DTHD1: variants seen among roughly 807,000 people sequenced by gnomAD.
DTHD1 encodes death domain containing 1.
Under a neutral mutation model 74.8 loss-of-function variants are expected in DTHD1, and 59 were observed. The observed-to-expected ratio is 0.79, with a 90% CI of 0.64 to 0.98. The LOEUF (loss-of-function observed/expected upper bound fraction) is 0.98. Ranked by LOEUF, DTHD1 falls within the 50% of genes least tolerant of loss-of-function variation. The probability of loss-of-function intolerance (pLI) is 0.00; values close to 1 mark genes in which losing one functional copy is unlikely to be tolerated. For synonymous variants in DTHD1, 365 were observed against 371.1 expected, an observed-to-expected ratio of 0.98 and a Z score of 0.19; for missense variants, 1,051 against 1,065.4, an observed-to-expected ratio of 0.99 and a Z score of 0.19.
In DTHD1 at chr4:36,284,500, A is replaced by G. The variant is rs1443699061; in HGVS notation, c.796A>G (p.Ile266Val). The part of the protein sequence containing the change: ...SPREEMTTSS[I>V]ICDISKKYIN... ...AAGAGAAGAGATGACCACATCCTCA[A>G]TAATATGTGATATCTCCAAGAAATA... The change falls in exon 2 of 10, where the codon ATA becomes GTA. Residue 266 changes from isoleucine (I) to valine (V), a missense_variant. Transcript: ENST00000639862. The G allele has an allele frequency of 6.5e-7, 1 of 1,536,642 alleles. No homozygotes were observed. The highest frequency in any genetic ancestry group is 8.7e-7 in the Non-Finnish European group (1 of 1,146,596).
chr4:36,345,084 A>C lies in DTHD1; in HGVS notation c.*1260A>C, dbSNP rs1759521769. ...GGCAGTGCAGAGAAAATAAGTTATC[A>C]GTGAAAGAATTCAAGGCCTATTTCT... On this transcript the variant is annotated 3_prime_UTR_variant, in exon 10 of 10. Transcript: ENST00000639862. 6.6e-6 allele frequency: 1 copy of C among 152,330 alleles called. No individual in the cohort carries two copies. The highest frequency in any genetic ancestry group is 3.4e-3 in the Middle Eastern group (1 of 294). 9.4% of individuals were successfully genotyped at this position (152,330 alleles called of 1,614,324 possible).
chr4:36,296,944 C>G (rs80117674), intron 5 of DTHD1, among the ~76,000 whole-genome samples: 3,674 of 151,912 alleles, frequency 0.024, 59 homozygotes, highest in Non-Finnish European at 0.036. Flanking sequence ...AAAGCCTTAC[C>G]AATGATATAA....
chr4:36,299,604 G>T (rs186933621), intron 5 of DTHD1, among the ~76,000 whole-genome samples: 6 of 152,210 alleles, frequency 3.9e-5, no homozygotes, highest in Non-Finnish European at 7.4e-5. Flanking sequence ...ATCAAATGCT[G>T]GCACTTCTCC....
chr4:36,325,911 T>C (rs966552749), intron 8 of DTHD1, among the ~76,000 whole-genome samples: 1 of 152,188 alleles, frequency 6.6e-6, no homozygotes, highest in Admixed American at 6.5e-5. Flanking sequence ...TTCCTCACAA[T>C]TGACAGCTTG....
At position 36,281,690 on chromosome 4, in the gene DTHD1, C is replaced by A. The variant is rs1553965095; in HGVS notation, c.-69C>A. On this transcript the variant is annotated 5_prime_UTR_variant, in exon 1 of 10. Transcript: ENST00000639862. ...TAGAGTTTAGGAGAAATAACAATCACAAAGTTTGAATTTGCAAAACCTTTA... is the reference window on the plus strand; with the variant it reads ...TAGAGTTTAGGAGAAATAACAATCAAAAAGTTTGAATTTGCAAAACCTTTA... The A allele has an allele frequency of 1.6e-6, 2 of 1,234,250 alleles. No individual in the cohort carries two copies. Among genetic ancestry groups the A allele is most frequent in the Non-Finnish European group, 2.0e-6 (2 of 988,754 alleles). The allele number at this position is 1,234,250 out of a possible 1,614,324, so 76.5% of individuals were successfully genotyped here.
chr4:36,317,265 C>T (rs553230868), intron 8 of DTHD1, among the ~76,000 whole-genome samples: 2 of 152,266 alleles, frequency 1.3e-5, no homozygotes, highest in South Asian at 4.1e-4. Flanking sequence ...TATTGAACTT[C>T]TGAAATAGGG....
At chr4:36,286,536 G>A (rs1755723076) in intron 2 of DTHD1, among the ~76,000 whole-genome samples, 1 of 152,184 alleles carries the variant, frequency 6.6e-6, no homozygotes, top group South Asian at 2.1e-4. Context: ...TCTCTTCCTA[G>A]CTGTCCTGGT....
intron 2 of DTHD1, among the ~76,000 whole-genome samples, chr4:36,288,839 G>A (rs1176545965): frequency 6.6e-6 from 1 of 152,192 alleles, no homozygotes; most frequent in African/African-American, 2.4e-5. Flanking sequence ...TGGTTTCCAA[G>A]GCACAGAGGA....
intron 5 of DTHD1, among the ~76,000 whole-genome samples, chr4:36,299,060 T>A (rs557477545): frequency 1.3e-5 from 2 of 152,254 alleles, no homozygotes; most frequent in South Asian, 2.1e-4. Context: ...CCTCATTCCA[T>A]CCCCTTTGTC....
At position 36,346,590 on chromosome 4, in the gene DTHD1, A is replaced by G. The variant is rs916428726; in HGVS notation, c.*2766A>G. On this transcript the variant is annotated 3_prime_UTR_variant, in exon 10 of 10. Coordinates refer to ENST00000639862, the MANE Select transcript of DTHD1 (RefSeq NM_001170700.3). ...CTTGGATTGAGACCTGCCCCTGAAC[A>G]CCCTCAGTATTGATAGACACACCCA... Among the ~76,000 whole-genome samples, 4 of 151,692 alleles carry G rather than the reference A, an allele frequency of 2.6e-5. No homozygotes were observed. Among genetic ancestry groups the G allele is most frequent in the African/African-American group, 9.7e-5 (4 of 41,296 alleles).
In DTHD1 at chr4:36,316,351, C is replaced by T. The variant is rs1399700000; in HGVS notation, c.2205C>T (p.Cys735=). The T allele has an allele frequency of 5.2e-6, 8 of 1,552,128 alleles. No individual in the cohort carries two copies. In the Admixed American group the frequency reaches 5.9e-5, roughly 11 times the overall value. Residue 735 remains cysteine (C), a synonymous_variant, in exon 8 of 10, where the codon TGC becomes TGT. Coordinates refer to ENST00000639862, the MANE Select transcript of DTHD1 (RefSeq NM_001170700.3). ...TGGACGAATTTGGAAACTATAGTTG[C>T]CCTCATTACAAAGGCACCATTGTCG... The part of the protein sequence containing the change: ...KEVDEFGNYS[C]PHYKGTIVVY...
At position 36,346,086 on chromosome 4, in the gene DTHD1, CACAT is replaced by C. The variant is rs1464497122; in HGVS notation, c.*2268_*2271del. Among the ~76,000 whole-genome samples, 1 of 151,996 alleles carries C rather than the reference CACAT, an allele frequency of 6.6e-6. No individual in the cohort carries two copies. The highest frequency in any genetic ancestry group is 1.5e-5 in the Non-Finnish European group (1 of 67,966). Reference sequence around the variant, plus strand: ...ACTCTCTCACAGAAACACACCTATTCACATACATAAATACATGTGCACACACACA... The same window carrying C: ...ACTCTCTCACAGAAACACACCTATTCACATAAATACATGTGCACACACACA... On this transcript the variant is annotated 3_prime_UTR_variant, in exon 10 of 10. Transcript: ENST00000639862.
At chr4:36,336,541 G>A (rs543148261) in intron 8 of DTHD1, among the ~76,000 whole-genome samples, 1 of 152,314 alleles carries the variant, frequency 6.6e-6, no homozygotes, top group Non-Finnish European at 1.5e-5. Flanking sequence ...GTGTCTTGTT[G>A]TAATGGCTGT....
chr4:36,318,612 CTTTTTTTTTT>C (rs397992934), intron 8 of DTHD1, among the ~76,000 whole-genome samples: 26 of 111,810 alleles, frequency 2.3e-4, no homozygotes, highest in African/African-American at 6.7e-4. Context: ...TTTTTCTTTT[CTTTTTTTTTT>C]TTTTTTTTTT....
chr4:36,306,313 G>C lies in DTHD1; in HGVS notation c.1766G>C (p.Ser589Thr). The C allele has an allele frequency of 6.4e-7, 1 of 1,551,508 alleles. No homozygotes were observed. Among genetic ancestry groups the C allele is most frequent in the Middle Eastern group, 1.7e-4 (1 of 5,988 alleles). The change falls in exon 6 of 10, where the codon AGC (serine) becomes ACC (threonine). Residue 589 changes from serine (S) to threonine (T), a missense_variant. Transcript: ENST00000639862. ...GLDDVVKTIQSGLVSVELYEH... is the reference protein window; with the variant it reads ...GLDDVVKTIQTGLVSVELYEH... ...GATGATGTTGTGAAAACCATACAGA[G>C]CGGCTTGGTATCAGTTGAATTGTAT...
chr4:36,295,133 C>A (rs1756324784), intron 5 of DTHD1, 94 bp downstream of exon 5: 8 of 1,283,970 alleles, frequency 6.2e-6, no homozygotes, highest in African/African-American at 1.5e-5. Context: ...TATTTAAATT[C>A]TGTATTAAAA....
At position 36,316,322 on chromosome 4, in the gene DTHD1, GA is replaced by G; in HGVS notation, c.2178del (p.Val727TrpfsTer26). 6.4e-7 allele frequency: 1 copy of G among 1,552,014 alleles called. No individual in the cohort carries two copies. Among genetic ancestry groups the G allele is most frequent in the Non-Finnish European group, 8.7e-7 (1 of 1,147,036 alleles). On this transcript the variant is annotated frameshift_variant, in exon 8 of 10. Coordinates refer to ENST00000639862, the MANE Select transcript of DTHD1 (RefSeq NM_001170700.3). LOFTEE classifies it high-confidence loss of function. ...RKPRLELQIK[E>X]VDEFGNYSCP... is the part of the protein sequence containing the mutation. The stretch of plus-strand genomic sequence containing the variant: ...ACCTAGGCTGGAACTCCAAATCAAA[GA>G]AGTGGACGAATTTGGAAACTATAGT...
At chr4:36,318,617 T>C (rs559814365) in intron 8 of DTHD1, among the ~76,000 whole-genome samples, 102 of 140,286 alleles carry the variant, frequency 7.3e-4, no homozygotes, top group South Asian at 3.5e-3. Flanking sequence ...CTTTTCTTTT[T>C]TTTTTTTTTT....
At chr4:36,285,863 C>T (rs1755682521) in intron 2 of DTHD1, among the ~76,000 whole-genome samples, 1 of 152,080 alleles carries the variant, frequency 6.6e-6, no homozygotes, top group Non-Finnish European at 1.5e-5. Flanking sequence ...ATATTCACAC[C>T]AGGTAAATGT....
Sources: allele counts gnomAD v4.1 joint callset (sites outside exome capture counted in the v4.1 genomes callset), GRCh38; gene constraint gnomAD v4.1.1; transcripts MANE v1.5; gene names NCBI Gene and HGNC (gene_info 2026-07-23, HGNC 2026-07-21).